CLEC2D: variants seen among roughly 807,000 people sequenced by gnomAD.
The protein encoded by CLEC2D is C-type lectin related f.
A neutral mutation model predicts 20.0 loss-of-function variants in CLEC2D; 16 were observed. The ratio of observed to expected loss-of-function variants is 0.80; its 90% CI spans 0.54 to 1.22. CLEC2D has a LOEUF of 1.22. Among genes scored for constraint, CLEC2D ranks in the 50% most tolerant of loss-of-function variants. The pLI is 0.00. For synonymous variants in CLEC2D, 77 were observed against 71.1 expected, an observed-to-expected ratio of 1.08 and a Z score of -0.42; for missense variants, 207 against 221.5, an observed-to-expected ratio of 0.93 and a Z score of 0.42.
At chr12:9,675,512 A>G (rs1050572208) in intron 1 of CLEC2D, among the ~76,000 whole-genome samples, 2 of 152,172 alleles carry the variant, frequency 1.3e-5, no homozygotes, top group African/African-American at 4.8e-5. Flanking sequence ...CTGTTCTTTA[A>G]CAAATACCAC....
intron 1 of CLEC2D, among the ~76,000 whole-genome samples, chr12:9,673,643 A>G (rs1865465995): frequency 6.6e-6 from 1 of 152,232 alleles, no homozygotes; most frequent in Non-Finnish European, 1.5e-5. Flanking sequence ...CAGAGCCAGC[A>G]GGCAGAAAAG....
At chr12:9,678,649 C>T (rs761718255) in intron 1 of CLEC2D, among the ~76,000 whole-genome samples, 1 of 152,228 alleles carries the variant, frequency 6.6e-6, no homozygotes, top group South Asian at 2.1e-4. Flanking sequence ...AAGTGATTCT[C>T]CTACCTGAGC....
At chr12:9,692,095 CTCTT>C (rs577971157) in intron 3 of CLEC2D, among the ~76,000 whole-genome samples, 10 of 149,446 alleles carry the variant, frequency 6.7e-5, no homozygotes, top group African/African-American at 1.7e-4. Context: ...TCTTTTCTTT[CTCTT>C]TCTTTCTTTC....
chr12:9,689,033 G>A (rs1185433137), intron 3 of CLEC2D, among the ~76,000 whole-genome samples: 1 of 152,198 alleles, frequency 6.6e-6, no homozygotes, highest in Non-Finnish European at 1.5e-5. Flanking sequence ...ATGAATTCCT[G>A]CAGCCAGGGT....
chr12:9,675,191 C>CTTT (rs56363104), intron 1 of CLEC2D, among the ~76,000 whole-genome samples: 7,265 of 130,078 alleles, frequency 0.056, 238 homozygotes, highest in Non-Finnish European at 0.08. Flanking sequence ...TTGTCTATTC[C>CTTT]TTTTTTTTTT....
intron 1 of CLEC2D, among the ~76,000 whole-genome samples, chr12:9,675,408 A>T (rs763426230): frequency 6.6e-6 from 1 of 151,958 alleles, no homozygotes; most frequent in African/African-American, 2.4e-5. Flanking sequence ...GTTAGCCAGG[A>T]TGGTATAGAT....
Position 9,697,636 on chromosome 12 carries a change from CCT to C in CLEC2D, c.*2763_*2764del, listed in dbSNP as rs1866029076. On this transcript the variant is annotated 3_prime_UTR_variant, in exon 5 of 5. Transcript: ENST00000290855. ...TGTTATTTGAAACAATGTAAATAAA[CCT>C]ATAGGGTTTATTATATATACTAAGT... 6.6e-6 allele frequency: 1 copy of C among 151,778 alleles called. No individual in the cohort carries two copies. Among genetic ancestry groups the C allele is most frequent in the Admixed American group, 6.6e-5 (1 of 15,228 alleles). The allele number at this position is 151,778 out of a possible 1,614,324, so 9.4% of individuals were successfully genotyped here. A position where few individuals can be genotyped will look rare whatever the true frequency, so the allele number is the denominator to read the frequency against.
intron 2 of CLEC2D, among the ~76,000 whole-genome samples, chr12:9,681,873 C>A (rs775780893): frequency 6.6e-6 from 1 of 152,258 alleles, no homozygotes; most frequent in East Asian, 1.9e-4. Context: ...ATACTTTATA[C>A]ATTTATGAAG....
intron 2 of CLEC2D, among the ~76,000 whole-genome samples, chr12:9,684,008 C>T (rs1465794447): frequency 6.6e-6 from 1 of 151,996 alleles, no homozygotes; most frequent in Non-Finnish European, 1.5e-5. Flanking sequence ...TATCTATGAG[C>T]ATGGAATGAT....
chr12:9,673,925 AC>A, intron 1 of CLEC2D: 1 of 152,060 alleles, frequency 6.6e-6, no homozygotes, highest in Non-Finnish European at 1.5e-5. Context: ...AATGGTGGTC[AC>A]CCCTCCCCCC....
chr12:9,688,036 T>A lies in CLEC2D; in HGVS notation c.307T>A (p.Cys103Ser). ...TKNWTSSQRF[C>S]DSQDADLAQV... Reference sequence around the variant, plus strand: ...GAACTGGACATCAAGTCAGAGGTTTTGTGACTCACAAGATGCTGATCTTGC... The same window carrying A: ...GAACTGGACATCAAGTCAGAGGTTTAGTGACTCACAAGATGCTGATCTTGC... Residue 103 changes from cysteine to serine, a missense_variant, in exon 3 of 5, where the codon TGT (cysteine) becomes AGT (serine). Transcript: ENST00000290855. 6.2e-7 allele frequency: 1 copy of A among 1,612,944 alleles called. No homozygotes were observed. The highest frequency in any genetic ancestry group is 8.5e-7 in the Non-Finnish European group (1 of 1,179,456).
intron 1 of CLEC2D, among the ~76,000 whole-genome samples, chr12:9,675,224 C>A (rs994576495): frequency 7.0e-6 from 1 of 142,216 alleles, no homozygotes; most frequent in East Asian, 2.1e-4. Context: ...GACGGAGTCT[C>A]ACTCTCTTGC....
chr12:9,676,018 A>T (rs144068430), intron 1 of CLEC2D, among the ~76,000 whole-genome samples: 2 of 152,364 alleles, frequency 1.3e-5, no homozygotes, highest in African/African-American at 4.8e-5. Context: ...GTAACCTTGC[A>T]TGTCAGTTCC....
At chr12:9,682,656 A>G (rs1257387073) in intron 2 of CLEC2D, among the ~76,000 whole-genome samples, 1 of 152,118 alleles carries the variant, frequency 6.6e-6, no homozygotes, top group Non-Finnish European at 1.5e-5. Context: ...GATGAGAATG[A>G]TGGTTTCCAG....
intron 1 of CLEC2D, 52 bp downstream of exon 1, chr12:9,669,847 G>A (rs748077436): frequency 5.6e-6 from 8 of 1,432,632 alleles, no homozygotes; most frequent in Non-Finnish European, 7.9e-6. Flanking sequence ...TGGGAAGGTA[G>A]TGGTAGTGAT....
At chr12:9,691,831 C>A (rs2120974217) in intron 3 of CLEC2D, among the ~76,000 whole-genome samples, 1 of 152,196 alleles carries the variant, frequency 6.6e-6, no homozygotes, top group East Asian at 1.9e-4. Flanking sequence ...CCTAACTGTA[C>A]ACTGTAAGGA....
intron 4 of CLEC2D, chr12:9,693,799 G>A (rs1404156334): frequency 2.2e-6 from 1 of 447,386 alleles, no homozygotes; most frequent in Non-Finnish European, 4.5e-6. Context: ...TCTTAAAATG[G>A]TTTTTTGTTT....
At chr12:9,686,471 A>T (rs570019496) in intron 2 of CLEC2D, among the ~76,000 whole-genome samples, 5 of 152,126 alleles carry the variant, frequency 3.3e-5, no homozygotes, top group Non-Finnish European at 7.4e-5. Flanking sequence ...ACCAAACCAG[A>T]TACAATACAC....
In CLEC2D at chr12:9,669,718, T is replaced by C. The variant is rs1865366798; in HGVS notation, c.-17T>C. 2.5e-6 allele frequency: 4 copies of C among 1,606,640 alleles called. No individual in the cohort carries two copies. The highest frequency in any genetic ancestry group is 3.4e-6 in the Non-Finnish European group (4 of 1,173,266). On this transcript the variant is annotated 5_prime_UTR_variant, in exon 1 of 5. Coordinates refer to ENST00000290855, the MANE Select transcript of CLEC2D (RefSeq NM_013269.6). ...TAGAGACTGTGGTTTAGATCACTCA[T>C]AGAAACTGGAGGCAAAATGCATGAC... is the stretch of plus-strand genomic sequence containing the variant.
Sources: gnomAD v4.1 joint callset for allele counts (sites outside exome capture counted in the v4.1 genomes callset) on GRCh38, gnomAD v4.1.1 for gene constraint, MANE v1.5 for transcripts, NCBI Gene and HGNC (gene_info 2026-07-23, HGNC 2026-07-21) for gene names.